CA2: variants seen among roughly 807,000 people sequenced by gnomAD.
CA2 encodes carbonic anhydrase 2.
Under a neutral mutation model 27.8 loss-of-function variants are expected in CA2, and 23 were observed. The ratio of observed to expected loss-of-function variants is 0.83; its 90% confidence interval spans 0.59 to 1.17. The LOEUF (loss-of-function observed/expected upper bound fraction) is 1.17. Among genes scored for constraint, CA2 ranks in the 50% most tolerant of loss-of-function variants. The pLI is 0.00. For synonymous variants in CA2, 99 were observed against 114.9 expected (o/e 0.86, Z 0.88); for missense variants, 300 against 314.7 (o/e 0.95, Z 0.35).
chr8:85,473,656 CAT>C (rs780972919), intron 2 of CA2, 35 bp from the exon 3 acceptor site: 1 of 983,726 alleles, frequency 1.0e-6, no homozygotes, highest in Non-Finnish European at 1.6e-6. Context: ...CAGATACATA[CAT>C]ATATGTTACA....
At chr8:85,476,256 A>G (rs1447926249) in intron 5 of CA2, among the ~76,000 whole-genome samples, 3 of 152,222 alleles carry the variant, frequency 2.0e-5, no homozygotes, top group Admixed American at 1.3e-4. Flanking sequence ...AACAAGATAA[A>G]CAAGGCCCTG....
chr8:85,465,032 T>G (rs368734915), intron 1 of CA2: 1 of 525,114 alleles, frequency 1.9e-6, no homozygotes, highest in East Asian at 3.3e-5. Context: ...ATCTAAGAGC[T>G]TTACATATAT....
At chr8:85,466,861 A>T (rs1267010982) in intron 2 of CA2, among the ~76,000 whole-genome samples, 1 of 152,128 alleles carries the variant, frequency 6.6e-6, no homozygotes, top group Admixed American at 6.6e-5. Flanking sequence ...AAATTAAACA[A>T]TTTTTTTCTT....
At chr8:85,465,876 C>A (rs2130544834) in intron 2 of CA2, among the ~76,000 whole-genome samples, 1 of 152,252 alleles carries the variant, frequency 6.6e-6, no homozygotes, top group Middle Eastern at 3.4e-3. Flanking sequence ...GCCTTATCTT[C>A]AAGTTAGCAG....
intron 2 of CA2, among the ~76,000 whole-genome samples, chr8:85,465,965 A>T (rs1811623369): frequency 6.6e-6 from 1 of 152,162 alleles, no homozygotes. Flanking sequence ...ATTTCTTAGT[A>T]TTGGGCTAGT....
In CA2 at chr8:85,475,814, C is replaced by G; in HGVS notation, c.461C>G (p.Pro154Arg). The G allele has an allele frequency of 6.2e-7, 1 of 1,613,924 alleles. No individual in the cohort carries two copies. Among genetic ancestry groups the G allele is most frequent in the Non-Finnish European group, 8.5e-7 (1 of 1,179,910 alleles). ...TTTCTTTAGGTTGGCAGCGCTAAAC[C>G]GGGCCTTCAGAAAGTTGTTGATGTG... ...GIFLKVGSAKPGLQKVVDVLD... is the reference protein window; with the variant it reads ...GIFLKVGSAKRGLQKVVDVLD... Residue 154 changes from proline (P) to arginine (R), a missense_variant, in exon 5 of 7, where the codon CCG becomes CGG. Transcript: ENST00000285379.
intron 6 of CA2, among the ~76,000 whole-genome samples, 163 bp downstream of exon 6, chr8:85,477,438 G>A (rs1811820002): frequency 6.6e-6 from 1 of 152,092 alleles, no homozygotes; most frequent in Non-Finnish European, 1.5e-5. Context: ...ACAGCGTTCA[G>A]TAAATCTTTG....
In CA2 at chr8:85,477,257, C is replaced by G; in HGVS notation, c.645C>G (p.Ile215Met). 1 of 1,614,116 alleles carries G rather than the reference C, an allele frequency of 6.2e-7. No homozygotes were observed. The highest frequency in any genetic ancestry group is 8.5e-7 in the Non-Finnish European group (1 of 1,179,982). Residue 215 changes from isoleucine to methionine, a missense_variant, in exon 6 of 7, where the codon ATC becomes ATG. Ile to Met is a conservative substitution (Grantham distance 10). Around this residue, in one of 3 missense-constraint regions of CA2, gnomAD observed 173 missense variants for 161.0 expected, o/e 1.07. Transcript: ENST00000285379. The stretch of plus-strand genomic sequence containing the variant: ...CCTGGATTGTGCTCAAGGAACCCAT[C>G]AGCGTCAGCAGCGAGCAGGTTTGTT... ...CVTWIVLKEP[I>M]SVSSEQVLKF...
At chr8:85,480,531 C>T in intron 6 of CA2, 139 bp from the exon 7 acceptor site, 1 of 782,070 alleles carries the variant, frequency 1.3e-6, no homozygotes, top group Non-Finnish European at 2.1e-6. Context: ...CCGCCTCATG[C>T]CTCAGCCTTA....
chr8:85,473,607 GTGTA>G (rs748116710), intron 2 of CA2, 82 bp from the exon 3 acceptor site: 5 of 726,748 alleles, frequency 6.9e-6, no homozygotes, highest in South Asian at 1.5e-5. Flanking sequence ...TTTCATGTGT[GTGTA>G]TGTATGTGTG....
At chr8:85,476,325 C>G (rs969211177) in intron 5 of CA2, among the ~76,000 whole-genome samples, 1 of 152,154 alleles carries the variant, frequency 6.6e-6, no homozygotes, top group African/African-American at 2.4e-5. Context: ...CATTTAAATC[C>G]TCTCTGCAGC....
intron 1 of CA2, 59 bp downstream of exon 1, chr8:85,464,174 T>TCCCCGAG: frequency 1.5e-6 from 2 of 1,357,938 alleles, no homozygotes; most frequent in Admixed American, 2.2e-5. Flanking sequence ...CGATCCCCGA[T>TCCCCGAG]CCCCGAGCCC....
At chr8:85,479,335 C>T (rs142324386) in intron 6 of CA2, among the ~76,000 whole-genome samples, 7 of 152,232 alleles carry the variant, frequency 4.6e-5, no homozygotes, top group Non-Finnish European at 1.0e-4. Flanking sequence ...TTTCAGATTG[C>T]TGGAATTCTG....
chr8:85,475,836 T>C lies in CA2; in HGVS notation c.483T>C (p.Asp161=). Residue 161 remains aspartate, a synonymous_variant, in exon 5 of 7, where the codon GAT becomes GAC. Transcript: ENST00000285379. ...SAKPGLQKVV[D]VLDSIKTKGK... The stretch of plus-strand genomic sequence containing the variant: ...AACCGGGCCTTCAGAAAGTTGTTGA[T>C]GTGCTGGATTCCATTAAAACAAAGG... 1 of 1,614,106 alleles carries C rather than the reference T, an allele frequency of 6.2e-7. No individual in the cohort carries two copies. The highest frequency in any genetic ancestry group is 8.5e-7 in the Non-Finnish European group (1 of 1,179,984).
In CA2 at chr8:85,480,920, G is replaced by C. The variant is rs1811882851; in HGVS notation, c.*131G>C. The C allele has an allele frequency of 1.1e-5, 10 of 875,458 alleles. No homozygotes were observed. In the Admixed American group the frequency reaches 2.1e-4, roughly 18 times the overall value. 54.2% of individuals were successfully genotyped at this position (875,458 alleles called of 1,614,324 possible). On this transcript the variant is annotated 3_prime_UTR_variant, in exon 7 of 7. Coordinates refer to ENST00000285379, the MANE Select transcript of CA2 (RefSeq NM_000067.3). ...TTTCTAGACCCTTCATCTCTTACTT[G>C]ATAGACTTACTAATAAAATGTGAAG... is the stretch of plus-strand genomic sequence containing the variant.
intron 2 of CA2, among the ~76,000 whole-genome samples, chr8:85,471,017 C>G (rs1451539096): frequency 1.3e-5 from 2 of 152,034 alleles, no homozygotes; most frequent in Non-Finnish European, 2.9e-5. Flanking sequence ...TCATTTTAAA[C>G]TGCAACAGTT....
chr8:85,471,309 CAG>C (rs1473377821), intron 2 of CA2, among the ~76,000 whole-genome samples: 1 of 151,856 alleles, frequency 6.6e-6, no homozygotes, highest in Non-Finnish European at 1.5e-5. Context: ...TTTATTTTAA[CAG>C]GGGCTAAAAC....
Position 85,465,477 on chromosome 8 carries a change from T to G in CA2, c.232+8T>G. ...ACTCTCAGGACAAAGCAGGTCAGTG[T>G]TTAGAAAATAACTTGTGTCTTTTAG... On this transcript the variant is annotated splice_region_variant and intron_variant, in intron 2 of 6. Transcript: ENST00000285379. The G allele has an allele frequency of 6.2e-7, 1 of 1,610,450 alleles. No individual in the cohort carries two copies. The highest frequency in any genetic ancestry group is 8.5e-7 in the Non-Finnish European group (1 of 1,177,498).
chr8:85,472,274 A>G (rs1811723298), intron 2 of CA2, among the ~76,000 whole-genome samples: 1 of 152,248 alleles, frequency 6.6e-6, no homozygotes, highest in South Asian at 2.1e-4. Context: ...TATAGCAACA[A>G]ATGTTTAATT....
Sources: allele counts gnomAD v4.1 joint callset (sites outside exome capture counted in the v4.1 genomes callset), GRCh38; gene constraint gnomAD v4.1.1; regional missense constraint gnomAD v4.1.1; transcripts MANE v1.5; gene names NCBI Gene and HGNC (gene_info 2026-07-23, HGNC 2026-07-21).